PEBP4: variants seen among roughly 807,000 people sequenced by gnomAD.
PEBP4 encodes the protein phosphatidylethanolamine-binding protein 4.
Under a neutral mutation model 23.9 loss-of-function variants are expected in PEBP4, and 22 were observed. That is an observed-to-expected ratio of 0.92 (90% CI 0.66 to 1.31). The LOEUF (loss-of-function observed/expected upper bound fraction) is 1.31. Ranked by LOEUF, PEBP4 falls within the 40% of genes most tolerant of loss-of-function variation. PEBP4 has a pLI of 0.00. For synonymous variants in PEBP4, 112 were observed against 99.3 expected (o/e 1.13, Z -0.76); for missense variants, 324 against 281.7 (o/e 1.15, Z -1.07).
intron 3 of PEBP4, among the ~76,000 whole-genome samples, chr8:22,867,217 A>C (rs1297397105): frequency 2.6e-5 from 4 of 152,114 alleles, no homozygotes; most frequent in Non-Finnish European, 5.9e-5. Context: ...ATCTTTTTCT[A>C]TCTTTGGAGG....
rs1267433014 is a variant in PEBP4 at position 22,783,474 on chromosome 8, C to T, written c.357+34163G>A. ...CTCCAAAGGCAGTGGCGCAGCTGCT[C>T]CTGTGCGTACCCAGTGGCTTTCTTA... On this transcript the variant is annotated intron_variant, in intron 4 of 6. Coordinates refer to ENST00000256404, the MANE Select transcript of PEBP4 (RefSeq NM_144962.3). Among the ~76,000 whole-genome samples the T allele has an allele frequency of 3.3e-5, 5 of 152,322 alleles. No homozygotes were observed. The East Asian group carries it at 9.7e-4, about 29-fold the overall frequency.
At chr8:22,725,256 C>CA (rs1804601137) in intron 5 of PEBP4, among the ~76,000 whole-genome samples, 2 of 152,208 alleles carry the variant, frequency 1.3e-5, no homozygotes, top group Admixed American at 6.5e-5. Context: ...TGGGTGTTGG[C>CA]ATTGTCCTGT....
intron 4 of PEBP4, among the ~76,000 whole-genome samples, chr8:22,811,486 T>C (rs1259654943): frequency 6.6e-6 from 1 of 152,074 alleles, no homozygotes; most frequent in South Asian, 2.1e-4. Flanking sequence ...GACAGCAGAG[T>C]GGGACTGTGA....
chr8:22,881,795 G>T (rs1808263554), intron 3 of PEBP4, among the ~76,000 whole-genome samples: 1 of 152,234 alleles, frequency 6.6e-6, no homozygotes, highest in Non-Finnish European at 1.5e-5. Flanking sequence ...TGTGGAGTGG[G>T]AGGCCACGCT....
intron 4 of PEBP4, among the ~76,000 whole-genome samples, chr8:22,792,531 T>C (rs184011154): frequency 1.2e-3 from 186 of 152,276 alleles, no homozygotes; most frequent in African/African-American, 4.2e-3. Context: ...CATAGAGCCT[T>C]TCCTGCTCAT....
intron 5 of PEBP4, among the ~76,000 whole-genome samples, chr8:22,726,101 C>A (rs990837248): frequency 1.3e-5 from 2 of 151,336 alleles, no homozygotes; most frequent in Non-Finnish European, 2.9e-5. Flanking sequence ...GTTGGAGGTC[C>A]CACTCGGGGT....
chr8:22,753,099 C>T (rs7009749), intron 4 of PEBP4, among the ~76,000 whole-genome samples: 3 of 152,316 alleles, frequency 2.0e-5, no homozygotes, highest in South Asian at 2.1e-4. Flanking sequence ...CTTAGTTCAG[C>T]GCACATTGAT....
At chr8:22,885,275 C>A (rs1428713577) in intron 3 of PEBP4, 2 of 152,160 alleles carry the variant, frequency 1.3e-5, no homozygotes, top group Non-Finnish European at 2.9e-5. Flanking sequence ...GAGATGGTTT[C>A]TCTTATTTCC....
intron 4 of PEBP4, among the ~76,000 whole-genome samples, chr8:22,746,656 T>C (rs1243122014): frequency 6.7e-6 from 1 of 150,318 alleles, no homozygotes; most frequent in Non-Finnish European, 1.5e-5. Flanking sequence ...CTCCCTCCTC[T>C]CTTCCCTCTT....
rs771733713 is a variant in PEBP4, at chr8:22,724,960, T to C, written c.404-4A>G. 1.9e-6 allele frequency: 3 copies of C among 1,606,672 alleles called. No homozygotes were observed. The highest frequency in any genetic ancestry group is 2.6e-6 in the Non-Finnish European group (3 of 1,173,554). Reference sequence around the variant, plus strand: ...GGTGGGGAGGGAGCCTGGTAGGCTATAGGTAGAAGCAGGAGAGAGGTGAGC... The same window carrying C: ...GGTGGGGAGGGAGCCTGGTAGGCTACAGGTAGAAGCAGGAGAGAGGTGAGC... On this transcript the variant is annotated splice_region_variant and splice_polypyrimidine_tract_variant and intron_variant, in intron 5 of 6. Transcript: ENST00000256404.
chr8:22,857,462 G>T (rs1807678151), intron 3 of PEBP4, among the ~76,000 whole-genome samples: 1 of 152,204 alleles, frequency 6.6e-6, no homozygotes, highest in East Asian at 1.9e-4. Context: ...AAGACTCAGT[G>T]CACAGTATAT....
At chr8:22,933,852 T>C (rs1809497736) in intron 1 of PEBP4, among the ~76,000 whole-genome samples, 1 of 152,226 alleles carries the variant, frequency 6.6e-6, no homozygotes, top group East Asian at 1.9e-4. Context: ...CTGTTATAAA[T>C]GAATACCTGA....
intron 3 of PEBP4, among the ~76,000 whole-genome samples, chr8:22,826,169 A>G (rs190981855): frequency 4.6e-5 from 7 of 152,352 alleles, no homozygotes; most frequent in African/African-American, 1.4e-4. Flanking sequence ...TCTTTTGAGT[A>G]TATCTCAAGG....
At chr8:22,725,999 A>ATGTGTGTG (rs10680983) in intron 5 of PEBP4, among the ~76,000 whole-genome samples, 2,995 of 146,386 alleles carry the variant, frequency 0.02, 41 homozygotes, top group South Asian at 0.04. Flanking sequence ...GATCAGATAT[A>ATGTGTGTG]TGTGTGTGTG....
At chr8:22,891,870 G>A (rs1490967734) in intron 3 of PEBP4, among the ~76,000 whole-genome samples, 3 of 152,224 alleles carry the variant, frequency 2.0e-5, no homozygotes, top group Admixed American at 6.5e-5. Context: ...TCAGGAGATC[G>A]AGACCATCTT....
At chr8:22,764,344 C>T (rs1805568009) in intron 4 of PEBP4, among the ~76,000 whole-genome samples, 2 of 152,174 alleles carry the variant, frequency 1.3e-5, no homozygotes, top group Admixed American at 1.3e-4. Context: ...CAGGGTCTCT[C>T]TTCAAGTCCA....
chr8:22,806,749 C>A (rs2128759795), intron 4 of PEBP4, among the ~76,000 whole-genome samples: 1 of 152,228 alleles, frequency 6.6e-6, no homozygotes, highest in East Asian at 1.9e-4. Flanking sequence ...GTTAACAAGT[C>A]ACAAACTCCC....
intron 3 of PEBP4, among the ~76,000 whole-genome samples, chr8:22,903,610 G>A (rs1338425701): frequency 2.0e-5 from 3 of 152,166 alleles, no homozygotes; most frequent in Admixed American, 1.3e-4. Flanking sequence ...CTGGGACAAA[G>A]CAACAGCCTG....
chr8:22,801,214 G>C (rs898142631), intron 4 of PEBP4, among the ~76,000 whole-genome samples: 10 of 152,288 alleles, frequency 6.6e-5, no homozygotes, highest in Admixed American at 2.0e-4. Context: ...TAGTCACAGC[G>C]GGGAGGGCTG....
Sources: gnomAD v4.1 joint callset for allele counts (sites outside exome capture counted in the v4.1 genomes callset) on GRCh38, gnomAD v4.1.1 for gene constraint, MANE v1.5 for transcripts, NCBI Gene and HGNC (gene_info 2026-07-23, HGNC 2026-07-21) for gene names.